The following TRIM9 variants were observed in gnomAD, a reference collection of about 807,000 sequenced individuals.
TRIM9 encodes E3 ubiquitin-protein ligase TRIM9.
Under a neutral mutation model 78.3 loss-of-function variants are expected in TRIM9, and 26 were observed. That is an observed-to-expected ratio of 0.33 (90% CI 0.24 to 0.46). The LOEUF (loss-of-function observed/expected upper bound fraction) is 0.46. Ranked by LOEUF, TRIM9 falls within the 20% of genes least tolerant of loss-of-function variation. The pLI, the probability that TRIM9 is intolerant of heterozygous loss-of-function variation, is 1.00. For synonymous variants in TRIM9, 398 were observed against 416.5 expected (o/e 0.96, Z 0.54); for missense variants, 787 against 1,036.4 (o/e 0.76, Z 3.30).
In TRIM9 at chr14:51,050,594, T is replaced by C. The variant is rs369429059; in HGVS notation, c.823-25234A>G. The stretch of plus-strand genomic sequence containing the variant: ...TGACCCTCCAACAGCAGAGGGTCTA[T>C]GTTTCCCCTCCTCAAAACTGGGCAG... On this transcript the variant is annotated intron_variant, in intron 1 of 12. Transcript: ENST00000684578. Among the ~76,000 whole-genome samples the C allele has an allele frequency of 9.1e-4, 138 of 152,318 alleles. 1 individual carries two copies. The South Asian group carries it at 0.024, about 26-fold the overall frequency.
rs142553315 is a variant in TRIM9 at position 50,991,765 on chromosome 14, C to T, written c.1604-5621G>A. On this transcript the variant is annotated intron_variant, in intron 7 of 12. Transcript: ENST00000684578. ...GTACTAATTGTAAAGACTCAGAGGT[C>T]CTCAGCTGTAAGTCCATGGTTTTAG... 1.5e-3 allele frequency among the ~76,000 whole-genome samples: 233 copies of T among 152,224 alleles called. 1 individual carries two copies. Among genetic ancestry groups the T allele is most frequent in the South Asian group, 3.3e-3 (16 of 4,814 alleles).
chr14:51,007,994 C>T (rs1322294659), intron 5 of TRIM9, among the ~76,000 whole-genome samples: 1 of 152,086 alleles, frequency 6.6e-6, no homozygotes, highest in Non-Finnish European at 1.5e-5. Flanking sequence ...AAGAAACAAA[C>T]CTTTTAAAGC....
rs780533865 is a variant in TRIM9 at position 51,019,048 on chromosome 14, T to C, written c.1041+3787A>G. Among the ~76,000 whole-genome samples the C allele has an allele frequency of 6.6e-5, 10 of 152,254 alleles. 1 individual carries two copies. The highest frequency in any genetic ancestry group is 4.4e-5 in the Non-Finnish European group (3 of 68,044). ...GAGAAAGTGGCATATGTAAAGTTTC[T>C]GAAGAAAGCATAGATTTCATTAATG... On this transcript the variant is annotated intron_variant, in intron 3 of 12. Coordinates refer to ENST00000684578, the MANE Select transcript of TRIM9 (RefSeq NM_001387360.1).
chr14:51,054,659 C>T (rs2060742035), intron 1 of TRIM9, among the ~76,000 whole-genome samples: 1 of 151,680 alleles, frequency 6.6e-6, no homozygotes, highest in African/African-American at 2.4e-5. Context: ...CTGCAAGCTC[C>T]GCCTCCCGGG....
intron 7 of TRIM9, among the ~76,000 whole-genome samples, chr14:50,990,551 T>C (rs1318031909): frequency 6.6e-6 from 1 of 152,216 alleles, no homozygotes; most frequent in Non-Finnish European, 1.5e-5. Context: ...TTTGCAGATG[T>C]TGTAGAATAT....
intron 1 of TRIM9, among the ~76,000 whole-genome samples, chr14:51,031,147 C>CAAAAAAAAAAAAAAAAAAAAAAA (rs1210514761): frequency 9.9e-6 from 1 of 100,766 alleles, no homozygotes; most frequent in Non-Finnish European, 1.9e-5. Flanking sequence ...AAACTCTTTC[C>CAAAAAAAAAAAAAAAAAAAAAAA]AAAAAAAAAA....
At chr14:51,049,079 T>G (rs1213866840) in intron 1 of TRIM9, among the ~76,000 whole-genome samples, 5 of 152,174 alleles carry the variant, frequency 3.3e-5, no homozygotes, top group Non-Finnish European at 4.4e-5. Flanking sequence ...TTGTTCTTTT[T>G]CAGATGGAGT....
intron 2 of TRIM9, 89 bp downstream of exon 2, chr14:51,025,176 A>G (rs2058100395): frequency 1.7e-6 from 2 of 1,204,724 alleles, no homozygotes; most frequent in East Asian, 4.7e-5. Flanking sequence ...CCCACGACAC[A>G]TAAAAATAAA....
chr14:51,043,055 A>G (rs995703668), intron 1 of TRIM9, among the ~76,000 whole-genome samples: 7 of 152,334 alleles, frequency 4.6e-5, no homozygotes, highest in Admixed American at 3.9e-4. Context: ...TATACATGAT[A>G]TAGTGTTTCT....
rs781381507 is a variant in TRIM9 at position 51,009,209 on chromosome 14, C to A, written c.1177G>T (p.Val393Leu). 1 of 1,614,070 alleles carries A rather than the reference C, an allele frequency of 6.2e-7. No individual in the cohort carries two copies. Among genetic ancestry groups the A allele is most frequent in the Admixed American group, 1.7e-5 (1 of 60,022 alleles). ...CCCCACTGATCCTCAGTCAGGTGCA[C>A]TCTTCTTATGAGGGCGTCAGAAATC... ...LQISDALIRR[V>L]HLTEDQWGKG... Residue 393 changes from valine (V) to leucine (L), a missense_variant, in exon 5 of 13, where the codon GTG (valine) becomes TTG (leucine). Val to Leu is a conservative substitution (Grantham distance 32). Around this residue, in one of 3 missense-constraint regions of TRIM9, gnomAD observed 421 missense variants for 514.3 expected, o/e 0.82. Coordinates refer to ENST00000684578, the MANE Select transcript of TRIM9 (RefSeq NM_001387360.1).
At chr14:51,019,630 T>C (rs942793738) in intron 3 of TRIM9, among the ~76,000 whole-genome samples, 1 of 152,222 alleles carries the variant, frequency 6.6e-6, no homozygotes, top group Non-Finnish European at 1.5e-5. Flanking sequence ...GAAACTCTTC[T>C]TCAGGGTGTT....
intron 1 of TRIM9, among the ~76,000 whole-genome samples, chr14:51,027,156 T>C (rs966486530): frequency 2.2e-5 from 2 of 91,660 alleles, no homozygotes; most frequent in Non-Finnish European, 4.4e-5. Context: ...TTTTTTTTTT[T>C]TTTTTGAGAC....
At position 51,022,778 on chromosome 14, in the gene TRIM9, T is replaced by A. The variant is rs1035877304; in HGVS notation, c.1041+57A>T. ...AGGAATTCTCCCAGCCTGTCCATCA[T>A]GCCCCTCGGGAGCCTGGCTTGTTGG... On this transcript the variant is annotated intron_variant, in intron 3 of 12. Transcript: ENST00000684578. 5.6e-6 allele frequency: 9 copies of A among 1,605,708 alleles called. No homozygotes were observed. In the Admixed American group the frequency reaches 1.4e-4, roughly 24 times the overall value.
chr14:51,006,769 G>A (rs2055856354), intron 5 of TRIM9, among the ~76,000 whole-genome samples: 1 of 152,176 alleles, frequency 6.6e-6, no homozygotes, highest in African/African-American at 2.4e-5. Context: ...GATTTGTGCT[G>A]GGAGAGGGTT....
intron 1 of TRIM9, among the ~76,000 whole-genome samples, chr14:51,061,744 A>C (rs2061369843): frequency 6.6e-6 from 1 of 152,114 alleles, no homozygotes; most frequent in African/African-American, 2.4e-5. Context: ...GTATTCATTT[A>C]TTTTTACATA....
intron 7 of TRIM9, among the ~76,000 whole-genome samples, chr14:50,994,136 T>A (rs148666748): frequency 1.3e-5 from 2 of 152,210 alleles, no homozygotes; most frequent in Admixed American, 6.5e-5. Flanking sequence ...GGCTACATGG[T>A]GGCTCATGCC....
At chr14:50,999,453 T>C (rs918560273) in intron 6 of TRIM9, among the ~76,000 whole-genome samples, 10 of 152,124 alleles carry the variant, frequency 6.6e-5, no homozygotes, top group Non-Finnish European at 1.0e-4. Flanking sequence ...AATTAGATTT[T>C]ATCATGCCAA....
chr14:50,993,514 G>A (rs925297269), intron 7 of TRIM9, among the ~76,000 whole-genome samples: 1 of 151,882 alleles, frequency 6.6e-6, no homozygotes, highest in Non-Finnish European at 1.5e-5. Flanking sequence ...GATTACAGGC[G>A]CCCGCCACCA....
intron 1 of TRIM9, among the ~76,000 whole-genome samples, chr14:51,068,737 G>A (rs1321553838): frequency 6.6e-6 from 1 of 152,188 alleles, no homozygotes; most frequent in Non-Finnish European, 1.5e-5. Flanking sequence ...ATTAGAAGAG[G>A]AGGTGTGATG....
Sources: allele counts gnomAD v4.1 joint callset (sites outside exome capture counted in the v4.1 genomes callset), GRCh38; gene constraint gnomAD v4.1.1; regional missense constraint gnomAD v4.1.1; transcripts MANE v1.5; gene names NCBI Gene and HGNC (gene_info 2026-07-23, HGNC 2026-07-21).